CDH19: variants seen among roughly 807,000 people sequenced by gnomAD.
CDH19 encodes the protein cadherin-19.
Under a neutral mutation model 64.2 loss-of-function variants are expected in CDH19, and 67 were observed. The ratio of observed to expected loss-of-function variants is 1.04; its 90% confidence interval spans 0.86 to 1.28. The LOEUF (loss-of-function observed/expected upper bound fraction) is 1.28, where lower values mean the gene tolerates loss of function less well. CDH19 is among the 50% of genes most tolerant of loss of function. The pLI is 0.00. For missense variants in CDH19, 1,030 were observed against 929.0 expected, an observed-to-expected ratio of 1.11 and a Z score of -1.41; for synonymous variants, 346 against 319.3, an observed-to-expected ratio of 1.08 and a Z score of -0.89.
intron 8 of CDH19, among the ~76,000 whole-genome samples, chr18:66,533,737 A>T (rs995507104): frequency 2.0e-5 from 3 of 152,030 alleles, no homozygotes; most frequent in African/African-American, 7.2e-5. Context: ...GGAAAAAAAA[A>T]ATTTTTAAAT....
intron 1 of CDH19, among the ~76,000 whole-genome samples, chr18:66,572,783 A>G (rs966243036): frequency 6.6e-6 from 1 of 151,748 alleles, no homozygotes; most frequent in African/African-American, 2.4e-5. Flanking sequence ...TTATGTAGTA[A>G]TTAAATAGAC....
intron 3 of CDH19, among the ~76,000 whole-genome samples, chr18:66,556,984 C>T (rs970184363): frequency 6.6e-6 from 1 of 151,822 alleles, no homozygotes; most frequent in South Asian, 2.1e-4. Flanking sequence ...ATTCATGTAG[C>T]CATTATGGAA....
intron 9 of CDH19, among the ~76,000 whole-genome samples, chr18:66,514,537 A>T (rs746786158): frequency 1.2e-4 from 18 of 151,504 alleles, no homozygotes; most frequent in Non-Finnish European, 1.9e-4. Context: ...AAGAAAATTA[A>T]TGAAGGCAAA....
At chr18:66,568,783 T>G in intron 2 of CDH19, 73 bp from the exon 3 acceptor site, 2 of 1,228,090 alleles carry the variant, frequency 1.6e-6, no homozygotes, top group Non-Finnish European at 1.1e-6. Context: ...GATTTTCTTT[T>G]TATGTATGTT....
chr18:66,516,927 G>C, intron 9 of CDH19, among the ~76,000 whole-genome samples: 1 of 152,038 alleles, frequency 6.6e-6, no homozygotes, highest in Non-Finnish European at 1.5e-5. Context: ...ATTGGATATG[G>C]AGAATAAAGA....
chr18:66,521,893 C>T (rs1308240978), intron 9 of CDH19, among the ~76,000 whole-genome samples: 1 of 149,104 alleles, frequency 6.7e-6, no homozygotes, highest in African/African-American at 2.5e-5. Context: ...CAAAAAGTTA[C>T]AGGGTTTATG....
intron 3 of CDH19, among the ~76,000 whole-genome samples, chr18:66,564,366 T>A (rs1305401393): frequency 1.3e-5 from 2 of 151,854 alleles, no homozygotes; most frequent in African/African-American, 4.8e-5. Context: ...TCACTAGTTA[T>A]CCCCATTCAT....
intron 3 of CDH19, among the ~76,000 whole-genome samples, chr18:66,566,350 A>G (rs1471352851): frequency 7.4e-6 from 1 of 134,530 alleles, no homozygotes; most frequent in Non-Finnish European, 1.6e-5. Context: ...AAATAATATT[A>G]TTCTCTGGAA....
In CDH19 at chr18:66,509,253, C is replaced by CA; in HGVS notation, c.1577-8dup. 1 of 1,609,516 alleles carries CA rather than the reference C, an allele frequency of 6.2e-7. No individual in the cohort carries two copies. Among genetic ancestry groups the CA allele is most frequent in the Non-Finnish European group, 8.5e-7 (1 of 1,177,570 alleles). On this transcript the variant is annotated splice_region_variant and splice_polypyrimidine_tract_variant and intron_variant, in intron 10 of 11. Transcript: ENST00000262150. The stretch of plus-strand genomic sequence containing the variant: ...AAAATGACAGCTGTGTTATCTAAAA[C>CA]AAAAATCCATGTGCATAATTTTTTC...
chr18:66,524,542 G>GTGTATA (rs74173408), intron 9 of CDH19, among the ~76,000 whole-genome samples: 15 of 94,558 alleles, frequency 1.6e-4, no homozygotes, highest in African/African-American at 3.9e-4. Context: ...ATGTTTGTGT[G>GTGTATA]TATATATATA....
chr18:66,599,407 TG>T (rs1988985902), intron 1 of CDH19, among the ~76,000 whole-genome samples: 1 of 151,836 alleles, frequency 6.6e-6, no homozygotes, highest in Non-Finnish European at 1.5e-5. Flanking sequence ...GCTGGTGGGG[TG>T]GGGCAGATGA....
In CDH19 at chr18:66,544,037, G is replaced by A. The variant is rs1161240862; in HGVS notation, c.1148C>T (p.Thr383Ile). The stretch of plus-strand genomic sequence containing the variant: ...CACGCCTACAAATGATCCCTGTGGG[G>A]TTTCTTCAAAAACTTCAAATACATA... ...PYYVFEVFEETPQGSFVGVVS... is the reference protein window; with the variant it reads ...PYYVFEVFEEIPQGSFVGVVS... Residue 383 changes from threonine to isoleucine, a missense_variant, in exon 7 of 12, where the codon ACC becomes ATC. Physicochemically the swap from Thr to Ile is moderately conservative, Grantham distance 89. Transcript: ENST00000262150. 6.2e-7 allele frequency: 1 copy of A among 1,613,642 alleles called. No homozygotes were observed. The highest frequency in any genetic ancestry group is 1.7e-5 in the Admixed American group (1 of 60,012).
chr18:66,595,024 A>AT (rs1253691531), intron 1 of CDH19, among the ~76,000 whole-genome samples: 1 of 129,406 alleles, frequency 7.7e-6, no homozygotes, highest in Non-Finnish European at 1.9e-5. Context: ...ATAAAATTAA[A>AT]TTAAAAAAAA....
At chr18:66,524,404 A>G (rs1037523688) in intron 9 of CDH19, among the ~76,000 whole-genome samples, 31 of 151,832 alleles carry the variant, frequency 2.0e-4, no homozygotes, top group African/African-American at 7.5e-4. Context: ...ACTATGGTTA[A>G]TAACAACATA....
At chr18:66,534,315 T>C (rs769297096) in intron 8 of CDH19, among the ~76,000 whole-genome samples, 2 of 151,950 alleles carry the variant, frequency 1.3e-5, no homozygotes, top group Non-Finnish European at 2.9e-5. Context: ...CTGTTCATTG[T>C]ATCGCAAATA....
At position 66,544,841 on chromosome 18, in the gene CDH19, C is replaced by G. The variant is rs753919071; in HGVS notation, c.838G>C (p.Ala280Pro). The part of the protein sequence containing the change: ...PTGTSIGTIM[A>P]YDNDIGENAE... Reference sequence around the variant, plus strand: ...TTCTCTCCTATGTCATTATCATATGCCATGATTGTTCCTATAGAAGTCCCA... The same window carrying G: ...TTCTCTCCTATGTCATTATCATATGGCATGATTGTTCCTATAGAAGTCCCA... The change falls in exon 6 of 12, where the codon GCA becomes CCA. Residue 280 changes from alanine (A) to proline (P), a missense_variant. By Grantham distance (27) the Ala-to-Pro change is conservative. Coordinates refer to ENST00000262150, the MANE Select transcript of CDH19 (RefSeq NM_021153.4). 1 of 1,612,452 alleles carries G rather than the reference C, an allele frequency of 6.2e-7. No individual in the cohort carries two copies. Among genetic ancestry groups the G allele is most frequent in the South Asian group, 1.1e-5 (1 of 90,912 alleles).
intron 7 of CDH19, among the ~76,000 whole-genome samples, chr18:66,538,086 G>C (rs1986743672): frequency 6.6e-6 from 1 of 151,906 alleles, no homozygotes; most frequent in Non-Finnish European, 1.5e-5. Context: ...TACATGTAGA[G>C]TAACACTGCA....
At position 66,568,707 on chromosome 18, in the gene CDH19, T is replaced by C. The variant is rs1311545114; in HGVS notation, c.199A>G (p.Arg67Gly). Residue 67 changes from arginine (R) to glycine (G), a missense_variant, in exon 3 of 12, where the codon AGA (arginine) becomes GGA (glycine). Coordinates refer to ENST00000262150, the MANE Select transcript of CDH19 (RefSeq NM_021153.4). Reference sequence around the variant, plus strand: ...TTGTTTCCATTGTCTAAATCAGATCTTAGCTGCAAATGGAAAGAGGGATCA... The same window carrying C: ...TTGTTTCCATTGTCTAAATCAGATCCTAGCTGCAAATGGAAAGAGGGATCA... ...NTTSHHIGQL[R>G]SDLDNGNNSF... 6.3e-7 allele frequency: 1 copy of C among 1,593,128 alleles called. No individual in the cohort carries two copies. Among genetic ancestry groups the C allele is most frequent in the Non-Finnish European group, 8.5e-7 (1 of 1,171,778 alleles).
intron 9 of CDH19, among the ~76,000 whole-genome samples, chr18:66,526,836 T>A (rs539040201): frequency 1.3e-5 from 2 of 152,176 alleles, no homozygotes; most frequent in African/African-American, 4.8e-5. Context: ...ATCATTCTTT[T>A]TTTTTAAAAT....
Sources: gnomAD v4.1 joint callset for allele counts (sites outside exome capture counted in the v4.1 genomes callset) on GRCh38, gnomAD v4.1.1 for gene constraint, MANE v1.5 for transcripts, NCBI Gene and HGNC (gene_info 2026-07-23, HGNC 2026-07-21) for gene names.